The following NUDT6 variants were observed in gnomAD, a reference collection of about 807,000 sequenced individuals.
The protein encoded by NUDT6 is nudix hydrolase 6.
A neutral mutation model predicts 36.8 loss-of-function variants in NUDT6; 24 were observed. The observed-to-expected ratio is 0.65, with a 90% CI of 0.47 to 0.92. The LOEUF is 0.92. Among genes scored for constraint, NUDT6 ranks in the 40% least tolerant of loss-of-function variants. NUDT6 has a pLI of 0.00. For missense variants in NUDT6, 388 were observed against 392.8 expected (o/e 0.99, Z 0.10); for synonymous variants, 163 against 157.0 (o/e 1.04, Z -0.29).
At chr4:122,907,141 C>CA (rs1553951948) in intron 3 of NUDT6, among the ~76,000 whole-genome samples, 1 of 151,908 alleles carries the variant, frequency 6.6e-6, no homozygotes, top group Non-Finnish European at 1.5e-5. Context: ...TCTTTTCTTT[C>CA]TTTTTTTTGA....
At chr4:122,913,334 T>C (rs544274313) in intron 2 of NUDT6, 1 of 152,312 alleles carries the variant, frequency 6.6e-6, no homozygotes, top group Admixed American at 6.5e-5. Context: ...CAAGCTCCTG[T>C]AGGCCTCTTT....
intron 3 of NUDT6, among the ~76,000 whole-genome samples, chr4:122,909,527 G>C (rs1015387057): frequency 6.6e-6 from 1 of 152,094 alleles, no homozygotes; most frequent in Non-Finnish European, 1.5e-5. Flanking sequence ...TCATAAACTA[G>C]GATCAGGAAT....
At chr4:122,912,424 T>C in intron 3 of NUDT6, 144 bp downstream of exon 3, 2 of 647,230 alleles carry the variant, frequency 3.1e-6, no homozygotes, top group South Asian at 3.7e-5. Context: ...TAAATAAATA[T>C]CTAAGGTGAT....
At chr4:122,904,409 C>G (rs1158771794) in intron 3 of NUDT6, among the ~76,000 whole-genome samples, 1 of 152,114 alleles carries the variant, frequency 6.6e-6, no homozygotes, top group Non-Finnish European at 1.5e-5. Context: ...AACATCCCCT[C>G]CACCCAGTTC....
At position 122,917,572 on chromosome 4, in the gene NUDT6, G is replaced by C; in HGVS notation, c.371C>G (p.Thr124Arg). 6.2e-7 allele frequency: 1 copy of C among 1,614,190 alleles called. No individual in the cohort carries two copies. Among genetic ancestry groups the C allele is most frequent in the Non-Finnish European group, 8.5e-7 (1 of 1,180,034 alleles). The change falls in exon 2 of 5, where the codon ACG becomes AGG. Residue 124 changes from threonine (T) to arginine (R), a missense_variant. Transcript: ENST00000304430. ...CCCTTCTCTCAGCCACAGAGTCAAC[G>C]TTGATGAATCCGATTCTGCGTGGTG... Reference protein sequence around the residue: ...CFHHAESDSSTLTLWLREGPS... With the variant: ...CFHHAESDSSRLTLWLREGPS...
In NUDT6 at chr4:122,916,737, C is replaced by T. The variant is rs144629875; in HGVS notation, c.442+764G>A. 1.5e-3 allele frequency among the ~76,000 whole-genome samples: 235 copies of T among 152,218 alleles called. 2 individuals are homozygous for T. Among genetic ancestry groups the T allele is most frequent in the African/African-American group, 5.4e-3 (226 of 41,538 alleles). ...CACTATGTAATAGATACTGTAGTCC[C>T]CCTTGTCCAGTTTTGCTTTCTGTGA... On this transcript the variant is annotated intron_variant, in intron 2 of 4. Transcript: ENST00000304430.
chr4:122,899,911 T>G (rs1003394966), intron 3 of NUDT6, among the ~76,000 whole-genome samples: 6 of 152,088 alleles, frequency 3.9e-5, no homozygotes, highest in African/African-American at 1.4e-4. Flanking sequence ...AAGAGCAGGC[T>G]GGGGACTGGG....
chr4:122,900,165 G>A (rs1214287642), intron 3 of NUDT6, among the ~76,000 whole-genome samples: 5 of 149,432 alleles, frequency 3.3e-5, no homozygotes, highest in African/African-American at 4.9e-5. Context: ...CCTAAACTAA[G>A]CTTTCAGGCA....
At chr4:122,916,618 AACTAAAC>A (rs1347332123) in intron 2 of NUDT6, among the ~76,000 whole-genome samples, 2 of 152,238 alleles carry the variant, frequency 1.3e-5, no homozygotes, top group Admixed American at 6.5e-5. Flanking sequence ...TCCTTTGGAA[AACTAAAC>A]ACTAAAGTTG....
intron 4 of NUDT6, 94 bp from the exon 5 acceptor site, chr4:122,893,319 G>A (rs919650766): frequency 8.2e-7 from 1 of 1,214,948 alleles, no homozygotes; most frequent in Non-Finnish European, 1.1e-6. Context: ...TTATGTAAAG[G>A]CTCAAAACAT....
At position 122,892,677 on chromosome 4, in the gene NUDT6, G is replaced by C; in HGVS notation, c.*151C>G. 2 of 1,377,478 alleles carry C rather than the reference G, an allele frequency of 1.5e-6. No individual in the cohort carries two copies. The highest frequency in any genetic ancestry group is 1.9e-6 in the Non-Finnish European group (2 of 1,045,010). The allele number at this position is 1,377,478 out of a possible 1,614,324, so 85.3% of individuals were successfully genotyped here. On this transcript the variant is annotated 3_prime_UTR_variant, in exon 5 of 5. Transcript: ENST00000304430. ...ACGCATTTGCTTTATTCGAAAAGAG[G>C]CTTTTAAAATGTGCATGTTTAGAAA...
rs745602649 is a variant in NUDT6, at chr4:122,922,464, G to A, written c.109C>T (p.Arg37Trp). 1.9e-6 allele frequency: 3 copies of A among 1,611,954 alleles called. No homozygotes were observed. Among genetic ancestry groups the A allele is most frequent in the South Asian group, 1.1e-5 (1 of 91,064 alleles). The change falls in exon 1 of 5, where the codon CGG (arginine) becomes TGG (tryptophan). Residue 37 changes from arginine (R) to tryptophan (W), a missense_variant. Arg to Trp is a moderately radical substitution (Grantham distance 101, BLOSUM62 -3). Transcript: ENST00000304430. ...RWASGAQGYV[R>W]NPPVGACDLQ... ...TCGCACGCTCCAACTGGCGGATTCCGCACGTAACCCTGTGCGCCCGAGGCC... is the reference window on the plus strand; with the variant it reads ...TCGCACGCTCCAACTGGCGGATTCCACACGTAACCCTGTGCGCCCGAGGCC...
intron 2 of NUDT6, among the ~76,000 whole-genome samples, chr4:122,915,055 C>A (rs1295480272): frequency 6.6e-6 from 1 of 152,038 alleles, no homozygotes; most frequent in African/African-American, 2.4e-5. Flanking sequence ...GACACTTGAG[C>A]AGAAACTTCG....
At chr4:122,905,069 AAGTGG>A (rs770684990) in intron 3 of NUDT6, among the ~76,000 whole-genome samples, 12 of 152,290 alleles carry the variant, frequency 7.9e-5, no homozygotes, top group Middle Eastern at 3.4e-3. Context: ...CTGCTGGCTG[AAGTGG>A]CCAGCTTTTA....
intron 3 of NUDT6, chr4:122,898,353 T>G (rs577172754): frequency 6.6e-6 from 1 of 152,288 alleles, no homozygotes; most frequent in Admixed American, 6.5e-5. Context: ...TTAAAAACAA[T>G]TATGAGATGA....
chr4:122,901,307 C>T (rs1727519541), intron 3 of NUDT6, among the ~76,000 whole-genome samples: 1 of 152,102 alleles, frequency 6.6e-6, no homozygotes, highest in Non-Finnish European at 1.5e-5. Flanking sequence ...CTGATTTTCA[C>T]ATACTACAAA....
chr4:122,912,969 G>C (rs1198651962), intron 2 of NUDT6, among the ~76,000 whole-genome samples: 4 of 152,132 alleles, frequency 2.6e-5, no homozygotes, highest in African/African-American at 9.7e-5. Context: ...ACTGCATTTT[G>C]ACTGTGACTT....
intron 2 of NUDT6, among the ~76,000 whole-genome samples, chr4:122,917,191 A>G (rs186214928): frequency 3.3e-5 from 5 of 152,328 alleles, no homozygotes; most frequent in Admixed American, 3.3e-4. Flanking sequence ...CTATACTTTT[A>G]TAACTGTTCT....
chr4:122,899,044 A>ATTTTTTTTTTTTTTTTTTTTTTTTT lies in NUDT6; in HGVS notation c.499-1367_499-1366insAAAAAAAAAAAAAAAAAAAAAAAAA, dbSNP rs113708696. Among the ~76,000 whole-genome samples the ATTTTTTTTTTTTTTTTTTTTTTTTT allele has an allele frequency of 3.7e-4, 26 of 69,408 alleles. 5 individuals are homozygous for ATTTTTTTTTTTTTTTTTTTTTTTTT. Among genetic ancestry groups the ATTTTTTTTTTTTTTTTTTTTTTTTT allele is most frequent in the Non-Finnish European group, 5.4e-4 (18 of 33,128 alleles). 45.5% of individuals were successfully genotyped at this position (69,408 alleles called of 152,430 possible). A position where few individuals can be genotyped will look rare whatever the true frequency, so the allele number is the denominator to read the frequency against. ...CTACAGGTGTGCACCACCACACCTA[A>ATTTTTTTTTTTTTTTTTTTTTTTTT]TTTTTTTTTTTTTTTTAGAGATGAG... On this transcript the variant is annotated intron_variant, in intron 3 of 4. Coordinates refer to ENST00000304430, the MANE Select transcript of NUDT6 (RefSeq NM_007083.5).
Sources: allele counts gnomAD v4.1 joint callset (sites outside exome capture counted in the v4.1 genomes callset), GRCh38; gene constraint gnomAD v4.1.1; transcripts MANE v1.5; gene names NCBI Gene and HGNC (gene_info 2026-07-23, HGNC 2026-07-21).